The following GREB1 variants were observed in gnomAD, a reference collection of about 807,000 sequenced individuals.
GREB1 encodes the protein growth regulating estrogen receptor binding 1.
Under a neutral mutation model 200.7 loss-of-function variants are expected in GREB1, and 106 were observed. The observed-to-expected ratio is 0.53, with a 90% CI of 0.45 to 0.62. The LOEUF (loss-of-function observed/expected upper bound fraction) is 0.62. Ranked by LOEUF, GREB1 falls within the 20% of genes least tolerant of loss-of-function variation. GREB1 has a pLI of 0.00. For missense variants in GREB1, 2,243 were observed against 2,556.8 expected (o/e 0.88, Z 2.65); for synonymous variants, 1,132 against 1,092.4 (o/e 1.04, Z -0.72).
chr2:11,623,897 G>T (rs1362246313), intron 23 of GREB1, among the ~76,000 whole-genome samples: 1 of 151,964 alleles, frequency 6.6e-6, no homozygotes. Flanking sequence ...GCGAGACTCT[G>T]TCTCAAGAAA....
chr2:11,509,671 G>T (rs1558490779), intron 1 of GREB1, among the ~76,000 whole-genome samples: 3 of 152,098 alleles, frequency 2.0e-5, no homozygotes, highest in African/African-American at 7.2e-5. Flanking sequence ...GATCATGAAG[G>T]CTCTGCCTTC....
At chr2:11,512,636 T>C (rs929716511) in intron 1 of GREB1, among the ~76,000 whole-genome samples, 12 of 152,334 alleles carry the variant, frequency 7.9e-5, no homozygotes, top group African/African-American at 2.9e-4. Context: ...TTGGGCTGTG[T>C]GCTCCACACC....
chr2:11,559,015 T>G (rs1676713119), intron 2 of GREB1, among the ~76,000 whole-genome samples: 1 of 152,190 alleles, frequency 6.6e-6, no homozygotes, highest in African/African-American at 2.4e-5. Context: ...TGTCCAGCAT[T>G]TTGGGATAAG....
At chr2:11,607,685 G>C (rs1365077572) in intron 17 of GREB1, among the ~76,000 whole-genome samples, 2 of 145,680 alleles carry the variant, frequency 1.4e-5, no homozygotes, top group East Asian at 2.1e-4. Context: ...ATTCCTAAGA[G>C]AAAAAAGACA....
chr2:11,638,837 C>T lies in GREB1; in HGVS notation c.5686+28C>T, dbSNP rs1002943631. On this transcript the variant is annotated intron_variant, in intron 32 of 32. Transcript: ENST00000381486. Reference sequence around the variant, plus strand: ...AACTTTTGTACTCTTAACTCTGCACCTTGTCTTCAATGGCTGTAGTCACCG... The same window carrying T: ...AACTTTTGTACTCTTAACTCTGCACTTTGTCTTCAATGGCTGTAGTCACCG... The T allele has an allele frequency of 7.5e-6, 12 of 1,610,162 alleles. No individual in the cohort carries two copies. In the African/African-American group the frequency reaches 1.5e-4, roughly 20 times the overall value.
chr2:11,499,721 A>G (rs1672978670), intron 1 of GREB1, among the ~76,000 whole-genome samples: 1 of 152,234 alleles, frequency 6.6e-6, no homozygotes, highest in African/African-American at 2.4e-5. Context: ...CCTGGACATG[A>G]CTGTTGTTAG....
chr2:11,518,455 A>C (rs1673585133), intron 1 of GREB1, among the ~76,000 whole-genome samples: 1 of 149,918 alleles, frequency 6.7e-6, no homozygotes, highest in Non-Finnish European at 1.5e-5. Flanking sequence ...CCAGAAACCT[A>C]GAGTCAGGGC....
chr2:11,515,603 G>T (rs1413882307), intron 1 of GREB1, among the ~76,000 whole-genome samples: 1 of 152,074 alleles, frequency 6.6e-6, no homozygotes, highest in Admixed American at 6.5e-5. Flanking sequence ...AGGGCGGGGG[G>T]AGGGCAGGGG....
At chr2:11,484,673 A>G (rs893711849) in intron 1 of GREB1, among the ~76,000 whole-genome samples, 1 of 152,052 alleles carries the variant, frequency 6.6e-6, no homozygotes, top group Admixed American at 6.5e-5. Context: ...TAGTCCTAGC[A>G]CTTGGAGCCT....
rs1485728403 is a variant in GREB1 at position 11,587,732 on chromosome 2, C to CAT, written c.1160-1013_1160-1012insTA. ...ACACACACACACACACACACACACA[C>CAT]ACACACACACGCCACCTTTGGGAGC... On this transcript the variant is annotated intron_variant, in intron 9 of 32. Coordinates refer to ENST00000381486, the MANE Select transcript of GREB1 (RefSeq NM_014668.4). The CAT allele has an allele frequency of 7.8e-5, 94 of 1,210,252 alleles. 10 individuals carry two copies. Among genetic ancestry groups the CAT allele is most frequent in the Middle Eastern group, 3.4e-4 (1 of 2,926 alleles). The allele number at this position is 1,210,252 out of a possible 1,614,324, so 75.0% of individuals were successfully genotyped here. A position where few individuals can be genotyped will look rare whatever the true frequency, so the allele number is the denominator to read the frequency against.
rs1329460680 is a variant in GREB1, at chr2:11,625,269, T to C, written c.4263T>C (p.Asp1421=). 1 of 1,614,102 alleles carries C rather than the reference T, an allele frequency of 6.2e-7. No individual in the cohort carries two copies. The change falls in exon 24 of 33, where the codon GAT becomes GAC. Residue 1421 remains aspartate, a synonymous_variant. Transcript: ENST00000381486. ...TCATTCACGACCCGAAGTATGAAGA[T>C]GCCAGCCTGATTTGTTCGCACTATC... ...DYIIHDPKYE[D]ASLICSHYQG... is the part of the protein sequence containing the mutation.
At chr2:11,538,124 A>C (rs1213876142) in intron 1 of GREB1, among the ~76,000 whole-genome samples, 1 of 152,208 alleles carries the variant, frequency 6.6e-6, no homozygotes, top group Non-Finnish European at 1.5e-5. Context: ...GGGATGCTTC[A>C]GAGCTGCAGA....
intron 1 of GREB1, among the ~76,000 whole-genome samples, chr2:11,510,934 G>A (rs535856513): frequency 6.6e-6 from 1 of 152,252 alleles, no homozygotes; most frequent in Admixed American, 6.5e-5. Flanking sequence ...CTGCCTCCCA[G>A]AGTGCTGGGA....
chr2:11,539,017 CCTTCT>C (rs753570964), intron 1 of GREB1, among the ~76,000 whole-genome samples: 3,406 of 80,450 alleles, frequency 0.042, 131 homozygotes, highest in East Asian at 0.13. Context: ...CCTTCTCCTC[CCTTCT>C]CTTCTCTTCT....
intron 26 of GREB1, 48 bp from the exon 27 acceptor site, chr2:11,631,861 G>C (rs759046104): frequency 7.3e-7 from 1 of 1,364,424 alleles, no homozygotes; most frequent in Non-Finnish European, 1.0e-6. Context: ...GGGAATAATT[G>C]CAGCCACATT....
rs1553383957 is a variant in GREB1 at position 11,633,111 on chromosome 2, C to T, written c.4991+48C>T. On this transcript the variant is annotated intron_variant, in intron 28 of 32. Coordinates refer to ENST00000381486, the MANE Select transcript of GREB1 (RefSeq NM_014668.4). The surrounding 1 kb of genome is among the most constrained non-coding windows in gnomAD (Gnocchi z 4.1). ...CCTCCTGCCACCCTACGAATGATGA[C>T]CAACGAGTGTGCCCTCTTTGTATGG... 1 of 1,578,032 alleles carries T rather than the reference C, an allele frequency of 6.3e-7. No individual in the cohort carries two copies. The highest frequency in any genetic ancestry group is 1.1e-5 in the South Asian group (1 of 90,096).
chr2:11,495,971 G>A (rs1423629686), intron 1 of GREB1, among the ~76,000 whole-genome samples: 1 of 152,048 alleles, frequency 6.6e-6, no homozygotes, highest in Non-Finnish European at 1.5e-5. Flanking sequence ...TCCAGGTGAG[G>A]ATAACCAGAC....
Position 11,556,786 on chromosome 2 carries a change from T to A in GREB1, c.157+15T>A. The A allele has an allele frequency of 1.9e-6, 3 of 1,610,392 alleles. No individual in the cohort carries two copies. Among genetic ancestry groups the A allele is most frequent in the Non-Finnish European group, 1.7e-6 (2 of 1,177,828 alleles). ...CGCTCTAGAAGGTGGGAGACGCACGTTGCTTTTATCTGTGTATTTCTTTTA... is the reference window on the plus strand; with the variant it reads ...CGCTCTAGAAGGTGGGAGACGCACGATGCTTTTATCTGTGTATTTCTTTTA... On this transcript the variant is annotated intron_variant, in intron 2 of 32. Transcript: ENST00000381486.
chr2:11,554,670 T>A (rs1175468128), intron 1 of GREB1, among the ~76,000 whole-genome samples: 13 of 152,210 alleles, frequency 8.5e-5, no homozygotes, highest in Non-Finnish European at 1.0e-4. Flanking sequence ...AAATGTTACT[T>A]TAAAGATGAA....
Sources: gnomAD v4.1 joint callset for allele counts (sites outside exome capture counted in the v4.1 genomes callset) on GRCh38, gnomAD v4.1.1 for gene constraint, Gnocchi (gnomAD v3.1) non-coding constraint, MANE v1.5 for transcripts, NCBI Gene and HGNC (gene_info 2026-07-23, HGNC 2026-07-21) for gene names.